The following MYOM3 variants were observed in gnomAD, a reference collection of about 807,000 sequenced individuals.
MYOM3 encodes the protein myomesin 3, also known as myomesin-3.
In MYOM3, 155 loss-of-function variants were observed where a neutral mutation model predicts 191.7. The ratio of observed to expected loss-of-function variants is 0.81; its 90% CI spans 0.71 to 0.92. The LOEUF (loss-of-function observed/expected upper bound fraction) is 0.92. Ranked by LOEUF, MYOM3 falls within the 40% of genes least tolerant of loss-of-function variation. The probability of loss-of-function intolerance (pLI) is 0.00; values close to 1 mark genes in which losing one functional copy is unlikely to be tolerated. For synonymous variants in MYOM3, 757 were observed against 762.9 expected (o/e 0.99, Z 0.13); for missense variants, 1,889 against 1,890.6 (o/e 1.00, Z 0.02).
intron 15 of MYOM3, 55 bp from the exon 16 acceptor site, chr1:24,084,694 GGCTGGGGAAGGGGAGGA>G: frequency 6.6e-7 from 1 of 1,506,242 alleles, no homozygotes; most frequent in Non-Finnish European, 9.0e-7. Context: ...GGGTCTGACA[GGCTGGGGAAGGGGAGGA>G]GCATGGGGAG....
At chr1:24,108,676 G>A (rs773335979) in intron 1 of MYOM3, 22 bp from the exon 2 acceptor site, 51 of 1,504,270 alleles carry the variant, frequency 3.4e-5, no homozygotes, top group Non-Finnish European at 4.2e-5. Context: ...AAGGTCCACG[G>A]TCATTCCACC....
chr1:24,077,639 G>T (rs149941510), intron 20 of MYOM3, among the ~76,000 whole-genome samples: 2 of 152,176 alleles, frequency 1.3e-5, no homozygotes, highest in Admixed American at 6.5e-5. Context: ...CATTTATCAC[G>T]CAGTATTGTT....
At position 24,093,121 on chromosome 1, in the gene MYOM3, A is replaced by C; in HGVS notation, c.929-13T>G. The C allele has an allele frequency of 3.1e-6, 5 of 1,598,708 alleles. No homozygotes were observed. Among genetic ancestry groups the C allele is most frequent in the Non-Finnish European group, 4.2e-6 (5 of 1,176,626 alleles). On this transcript the variant is annotated splice_polypyrimidine_tract_variant and intron_variant, in intron 9 of 36. Coordinates refer to ENST00000374434, the MANE Select transcript of MYOM3 (RefSeq NM_152372.4). ...CTCAGTAGGCTCCCTGTGGAGGGGA[A>C]GTGGGGGGCCATTGAGTTTGTGGGG...
At chr1:24,066,400 C>T in intron 28 of MYOM3, 1 of 607,786 alleles carries the variant, frequency 1.6e-6, no homozygotes, top group Non-Finnish European at 2.9e-6. Context: ...TTTGTACGTT[C>T]AGTACCGTGC....
Position 24,071,265 on chromosome 1 carries a change from A to C in MYOM3, c.3014-12T>G. ...GATCAGTTTGATCACTGGGAGGCGCAGGACGGGAAGGGGGTGGGTTGGACC... is the reference window on the plus strand; with the variant it reads ...GATCAGTTTGATCACTGGGAGGCGCCGGACGGGAAGGGGGTGGGTTGGACC... On this transcript the variant is annotated splice_polypyrimidine_tract_variant and intron_variant, in intron 24 of 36. Coordinates refer to ENST00000374434, the MANE Select transcript of MYOM3 (RefSeq NM_152372.4). The C allele has an allele frequency of 6.2e-7, 1 of 1,606,000 alleles. No individual in the cohort carries two copies. Among genetic ancestry groups the C allele is most frequent in the Non-Finnish European group, 8.5e-7 (1 of 1,176,040 alleles).
At chr1:24,069,084 GA>G (rs915810551) in intron 25 of MYOM3, among the ~76,000 whole-genome samples, 7 of 150,792 alleles carry the variant, frequency 4.6e-5, no homozygotes, top group Non-Finnish European at 8.9e-5. Flanking sequence ...AAGGATAATG[GA>G]AAAAAAAATA....
chr1:24,092,141 C>T (rs893731617), intron 11 of MYOM3, 33 bp downstream of exon 11: 54 of 1,427,712 alleles, frequency 3.8e-5, no homozygotes, highest in Non-Finnish European at 4.9e-5. Flanking sequence ...AATTCTACCC[C>T]TAGGGCCTCT....
Position 24,080,199 on chromosome 1 carries a change from G to A in MYOM3, c.2408-5C>T. On this transcript the variant is annotated splice_region_variant and splice_polypyrimidine_tract_variant and intron_variant, in intron 19 of 36. Transcript: ENST00000374434. ...CCCGTACATCGTACGGGGGGCCTGT[G>A]ACAAGTGAGAGATGGGAAGAGATGT... 6.2e-7 allele frequency: 1 copy of A among 1,605,496 alleles called. No individual in the cohort carries two copies. Among genetic ancestry groups the A allele is most frequent in the South Asian group, 1.1e-5 (1 of 89,758 alleles).
At chr1:24,092,366 G>T (rs920522319) in intron 10 of MYOM3, 51 bp from the exon 11 acceptor site, 6 of 1,330,926 alleles carry the variant, frequency 4.5e-6, no homozygotes, top group Non-Finnish European at 5.8e-6. Context: ...GCCATTTGGT[G>T]ACAGGCCCTT....
intron 20 of MYOM3, 68 bp from the exon 21 acceptor site, chr1:24,076,341 G>T: frequency 1.8e-6 from 2 of 1,132,836 alleles, no homozygotes; most frequent in Non-Finnish European, 2.7e-6. Context: ...GGGCCCCAGG[G>T]AGCAGGGAGC....
intron 35 of MYOM3, among the ~76,000 whole-genome samples, chr1:24,059,928 C>A (rs1557599253): frequency 6.6e-6 from 1 of 152,162 alleles, no homozygotes; most frequent in Non-Finnish European, 1.5e-5. Context: ...GAAAGGGGAG[C>A]AGGACCCCAG....
At chr1:24,071,738 T>C (rs1439731011) in intron 24 of MYOM3, among the ~76,000 whole-genome samples, 1 of 152,140 alleles carries the variant, frequency 6.6e-6, no homozygotes, top group Non-Finnish European at 1.5e-5. Context: ...ATAACAGTAA[T>C]TATAAAAGAG....
intron 33 of MYOM3, among the ~76,000 whole-genome samples, chr1:24,061,557 C>T (rs1643370574): frequency 6.6e-6 from 1 of 151,986 alleles, no homozygotes. Flanking sequence ...TTCCTTAACA[C>T]CTATCCCAGA....
At chr1:24,110,019 G>A (rs1433484487) in intron 1 of MYOM3, among the ~76,000 whole-genome samples, 3 of 152,262 alleles carry the variant, frequency 2.0e-5, no homozygotes, top group Non-Finnish European at 2.9e-5. Context: ...ATATGGAGAG[G>A]CAAACGAGGG....
rs767891577 is a variant in MYOM3, at chr1:24,094,919, A to C, written c.862T>G (p.Phe288Val). The C allele has an allele frequency of 6.2e-7, 1 of 1,614,140 alleles. No individual in the cohort carries two copies. The highest frequency in any genetic ancestry group is 1.1e-5 in the South Asian group (1 of 91,078). Residue 288 changes from phenylalanine to valine, a missense_variant, in exon 9 of 37, where the codon TTC becomes GTC. Physicochemically the swap from Phe to Val is conservative, Grantham distance 50 (BLOSUM62 -1). Coordinates refer to ENST00000374434, the MANE Select transcript of MYOM3 (RefSeq NM_152372.4). ...TCCGAAAACAAGCATGACAGGGAGA[A>C]GGGTTCCTTCTCACGAGCAAAGACT... ...KPVFAREKEP[F>V]SLSCLFSEDV...
intron 13 of MYOM3, 68 bp from the exon 14 acceptor site, chr1:24,089,733 T>C (rs1039927098): frequency 1.3e-6 from 2 of 1,492,582 alleles, no homozygotes; most frequent in Non-Finnish European, 1.8e-6. Flanking sequence ...CAGTGCCTCA[T>C]TCCATGGAAG....
chr1:24,077,761 C>A (rs775616407), intron 20 of MYOM3, among the ~76,000 whole-genome samples: 6 of 152,180 alleles, frequency 3.9e-5, no homozygotes, highest in Non-Finnish European at 8.8e-5. Context: ...GCTGACTGAC[C>A]GAATGGCGGC....
At chr1:24,072,112 C>A in intron 23 of MYOM3, 99 bp from the exon 24 acceptor site, 1 of 1,226,630 alleles carries the variant, frequency 8.2e-7, no homozygotes, top group South Asian at 1.2e-5. Context: ...TGTGCTGGGT[C>A]AAAATTCCAA....
chr1:24,065,905 G>T lies in MYOM3; in HGVS notation c.3520C>A (p.Leu1174Ile), dbSNP rs1357839321. Reference sequence around the variant, plus strand: ...GCCACACTTGCCTCTTCAATGCAGAGAAGTCCCGTTCCCGTCTCTGGGTCA... The same window carrying T: ...GCCACACTTGCCTCTTCAATGCAGATAAGTCCCGTTCCCGTCTCTGGGTCA... ...QYDPETGTGLLCIEELSKKDK... is the reference protein window; with the variant it reads ...QYDPETGTGLICIEELSKKDK... Residue 1174 changes from leucine (L) to isoleucine (I), a missense_variant, in exon 29 of 37, where the codon CTC (leucine) becomes ATC (isoleucine). By Grantham distance (5) the Leu-to-Ile change is conservative. Coordinates refer to ENST00000374434, the MANE Select transcript of MYOM3 (RefSeq NM_152372.4). 3 of 1,611,700 alleles carry T rather than the reference G, an allele frequency of 1.9e-6. No individual in the cohort carries two copies. The highest frequency in any genetic ancestry group is 2.5e-6 in the Non-Finnish European group (3 of 1,177,868).
Sources: gnomAD v4.1 joint callset for allele counts (sites outside exome capture counted in the v4.1 genomes callset) on GRCh38, gnomAD v4.1.1 for gene constraint, MANE v1.5 for transcripts, NCBI Gene and HGNC (gene_info 2026-07-23, HGNC 2026-07-21) for gene names.